Variants in TEAD1 observed in about 807,000 individuals in gnomAD.
TEAD1 encodes the protein TEA domain transcription factor 1.
TEAD1 carries 9 observed loss-of-function variants against 54.9 expected under a neutral mutation model. The ratio of observed to expected loss-of-function variants is 0.16; its 90% CI spans 0.10 to 0.29. The LOEUF (loss-of-function observed/expected upper bound fraction) is 0.29, where lower values mean the gene tolerates loss of function less well. Among genes scored for constraint, TEAD1 ranks in the 10% least tolerant of loss-of-function variants. The probability of loss-of-function intolerance (pLI) is 1.00; values close to 1 mark genes in which losing one functional copy is unlikely to be tolerated. For synonymous variants in TEAD1, 200 were observed against 187.8 expected (o/e 1.07, Z -0.53); for missense variants, 387 against 535.9 (o/e 0.72, Z 2.74).
rs550035602 is a variant in TEAD1 at position 12,880,924 on chromosome 11, A to C, written c.466-81A>C. ...GTGATCGAACCTGCTGTCTTTTAGC[A>C]GGGGTTGTGATGCGTAGGCATCCTA... On this transcript the variant is annotated intron_variant, in intron 6 of 12. Transcript: ENST00000527636. 1.5e-5 allele frequency: 22 copies of C among 1,485,782 alleles called. No individual in the cohort carries two copies. The African/African-American group carries it at 2.3e-4, about 16-fold the overall frequency. The allele number at this position is 1,485,782 out of a possible 1,614,324, so 92.0% of individuals were successfully genotyped here. A position where few individuals can be genotyped will look rare whatever the true frequency, so the allele number is the denominator to read the frequency against.
chr11:12,729,966 A>G (rs1285803972), intron 2 of TEAD1, among the ~76,000 whole-genome samples: 2 of 152,342 alleles, frequency 1.3e-5, no homozygotes, highest in Middle Eastern at 3.4e-3. Context: ...AAGGCTTTGC[A>G]ATGCCTGGCA....
intron 10 of TEAD1, among the ~76,000 whole-genome samples, chr11:12,908,722 A>C (rs1461725977): frequency 6.6e-6 from 1 of 152,138 alleles, no homozygotes; most frequent in Non-Finnish European, 1.5e-5. Context: ...GACAGTTGGG[A>C]ATATATAATT....
rs1384195004 is a variant in TEAD1, at chr11:12,869,582, A to AT, written c.330+4684dup. Among the ~76,000 whole-genome samples the AT allele has an allele frequency of 3.3e-5, 5 of 152,342 alleles. No homozygotes were observed. The East Asian group carries it at 7.7e-4, about 24-fold the overall frequency. On this transcript the variant is annotated intron_variant, in intron 5 of 12. Transcript: ENST00000527636. The stretch of plus-strand genomic sequence containing the variant: ...TAATTGACTAGGAGTGTGCATCAAA[A>AT]TTATGAAGTTTTTGTTGCAAAATTT...
Position 12,930,344 on chromosome 11 carries a change from T to G in TEAD1, c.1167+18T>G. ...TTTTATTGGTAATGGTTTTGTCTCT[T>G]TCCTCTGTGGGCAGATGCTGCCATG... On this transcript the variant is annotated intron_variant, in intron 12 of 12. Transcript: ENST00000527636. The G allele has an allele frequency of 1.2e-6, 2 of 1,613,940 alleles. No individual in the cohort carries two copies. Among genetic ancestry groups the G allele is most frequent in the Non-Finnish European group, 1.7e-6 (2 of 1,179,902 alleles).
chr11:12,793,617 T>TA (rs1437742326), intron 3 of TEAD1, among the ~76,000 whole-genome samples: 1 of 152,254 alleles, frequency 6.6e-6, no homozygotes, highest in Admixed American at 6.5e-5. Context: ...TTGTTGCAGA[T>TA]ACCTCAAGTT....
At chr11:12,772,211 A>G (rs551147932) in intron 3 of TEAD1, among the ~76,000 whole-genome samples, 34 of 152,338 alleles carry the variant, frequency 2.2e-4, no homozygotes, top group African/African-American at 6.0e-4. Flanking sequence ...GAACATTACC[A>G]TGACCAGGTC....
In TEAD1 at chr11:12,702,406, A is replaced by T. The variant is rs1050877618; in HGVS notation, c.-55+26845A>T. On this transcript the variant is annotated intron_variant, in intron 2 of 12. Coordinates refer to ENST00000527636, the MANE Select transcript of TEAD1 (RefSeq NM_021961.6). ...CCCTCTTTATAGCTTCATGACTTCC[A>T]TCTGTAGAATGCTTTATGTCTTAAA... is the stretch of plus-strand genomic sequence containing the variant. Among the ~76,000 whole-genome samples, 14 of 152,236 alleles carry T rather than the reference A, an allele frequency of 9.2e-5. No individual in the cohort carries two copies. In the East Asian group the frequency reaches 2.7e-3, roughly 29 times the overall value.
chr11:12,846,095 C>T (rs1361354897), intron 3 of TEAD1, among the ~76,000 whole-genome samples: 1 of 152,212 alleles, frequency 6.6e-6, no homozygotes. Context: ...GCCTGAGCCT[C>T]ATCTGGTAGA....
chr11:12,738,708 T>C (rs571580873), intron 2 of TEAD1, among the ~76,000 whole-genome samples: 222 of 152,238 alleles, frequency 1.5e-3, no homozygotes, highest in Non-Finnish European at 2.8e-3. Flanking sequence ...GAATTTTCTG[T>C]ATTTACTTGC....
intron 3 of TEAD1, among the ~76,000 whole-genome samples, chr11:12,793,566 GTC>G (rs1945851395): frequency 6.6e-6 from 1 of 151,942 alleles, no homozygotes; most frequent in Admixed American, 6.6e-5. Flanking sequence ...TTAGAGTATT[GTC>G]TGTCTTATTA....
intron 3 of TEAD1, among the ~76,000 whole-genome samples, chr11:12,770,330 A>C (rs1945289196): frequency 6.6e-6 from 1 of 152,180 alleles, no homozygotes; most frequent in African/African-American, 2.4e-5. Context: ...ATTGGTCATA[A>C]GGGAGGTAGA....
chr11:12,717,154 A>G (rs369765411), intron 2 of TEAD1, among the ~76,000 whole-genome samples: 19 of 152,256 alleles, frequency 1.2e-4, no homozygotes, highest in African/African-American at 3.6e-4. Context: ...ATCATAGACT[A>G]TAATATCCAG....
intron 2 of TEAD1, among the ~76,000 whole-genome samples, chr11:12,675,857 A>G (rs1349647270): frequency 6.6e-6 from 1 of 152,230 alleles, no homozygotes; most frequent in African/African-American, 2.4e-5. Flanking sequence ...TTGCTTTTAA[A>G]TTGCCTTTTT....
intron 3 of TEAD1, among the ~76,000 whole-genome samples, chr11:12,827,610 T>A (rs1946682977): frequency 6.6e-6 from 1 of 152,230 alleles, no homozygotes; most frequent in African/African-American, 2.4e-5. Flanking sequence ...CTATGGTCAT[T>A]CCTTTGCTTT....
intron 2 of TEAD1, among the ~76,000 whole-genome samples, chr11:12,730,747 C>T (rs1944409459): frequency 7.9e-6 from 1 of 126,906 alleles, no homozygotes; most frequent in Admixed American, 1.0e-4. Context: ...GTTGCACAGG[C>T]TGGAGTGCAC....
chr11:12,836,295 C>T (rs998147548), intron 3 of TEAD1, among the ~76,000 whole-genome samples: 5 of 151,934 alleles, frequency 3.3e-5, no homozygotes, highest in Admixed American at 2.0e-4. Flanking sequence ...TGGCGGGCGC[C>T]TGTAGTCCCA....
chr11:12,743,860 G>A (rs898496636), intron 2 of TEAD1, among the ~76,000 whole-genome samples: 2 of 152,220 alleles, frequency 1.3e-5, no homozygotes, highest in Non-Finnish European at 2.9e-5. Context: ...ACCTATCCTT[G>A]TTGAATAGTG....
chr11:12,768,739 G>T (rs931511970), intron 3 of TEAD1, among the ~76,000 whole-genome samples: 1 of 152,206 alleles, frequency 6.6e-6, no homozygotes, highest in African/African-American at 2.4e-5. Context: ...CAGGGATACT[G>T]TAGTGAACCA....
intron 3 of TEAD1, among the ~76,000 whole-genome samples, chr11:12,799,643 A>G (rs1039175906): frequency 6.6e-6 from 1 of 152,234 alleles, no homozygotes; most frequent in Admixed American, 6.5e-5. Flanking sequence ...CATTTAACAA[A>G]TGAAGTAAGT....
Sources: allele counts gnomAD v4.1 joint callset (sites outside exome capture counted in the v4.1 genomes callset), GRCh38; gene constraint gnomAD v4.1.1; transcripts MANE v1.5; gene names NCBI Gene and HGNC (gene_info 2026-07-23, HGNC 2026-07-21).